Variants in SLCO1A2 observed in about 807,000 individuals in gnomAD.
SLCO1A2 encodes solute carrier organic anion transporter family member 1A2, also known as OATP-1.
Under a neutral mutation model 69.0 loss-of-function variants are expected in SLCO1A2, and 67 were observed. The observed-to-expected ratio is 0.97, with a 90% CI of 0.80 to 1.19. The LOEUF (loss-of-function observed/expected upper bound fraction) is 1.19. Ranked by LOEUF, SLCO1A2 falls within the 50% of genes most tolerant of loss-of-function variation. The pLI is 0.00. For missense variants in SLCO1A2, 787 were observed against 793.7 expected, an observed-to-expected ratio of 0.99 and a Z score of 0.10; for synonymous variants, 260 against 265.9, an observed-to-expected ratio of 0.98 and a Z score of 0.22.
At chr12:21,289,116 A>G (rs2136276477) in intron 12 of SLCO1A2, among the ~76,000 whole-genome samples, 1 of 151,742 alleles carries the variant, frequency 6.6e-6, no homozygotes, top group East Asian at 1.9e-4. Context: ...TATATTTGCA[A>G]TCACAAATAT....
At chr12:21,280,577 T>G (rs557653195) in intron 12 of SLCO1A2, among the ~76,000 whole-genome samples, 1 of 150,556 alleles carries the variant, frequency 6.6e-6, no homozygotes, top group South Asian at 2.1e-4. Context: ...CCCAGATATA[T>G]AAAGCAAATA....
At chr12:21,322,950 TG>T (rs1951820628) in intron 2 of SLCO1A2, among the ~76,000 whole-genome samples, 1 of 152,184 alleles carries the variant, frequency 6.6e-6, no homozygotes, top group Non-Finnish European at 1.5e-5. Context: ...CATACCATTG[TG>T]GGGGTGGCAT....
chr12:21,295,750 C>T lies in SLCO1A2; in HGVS notation c.1118G>A (p.Gly373Asp). 1 of 1,598,694 alleles carries T rather than the reference C, an allele frequency of 6.3e-7. No individual in the cohort carries two copies. Among genetic ancestry groups the T allele is most frequent in the Non-Finnish European group, 8.6e-7 (1 of 1,166,442 alleles). ...LPPICIGYII[G>D]GLIMKKFKIT... is the part of the protein sequence containing the mutation. ...CTTGAACTTCTTCATAATTAAACCA[C>T]CAATTATATATCCAATACATATTGG... is the stretch of plus-strand genomic sequence containing the variant. The change falls in exon 10 of 15, where the codon GGT becomes GAT. Residue 373 changes from glycine to aspartate, a missense_variant. Coordinates refer to ENST00000683939, the MANE Select transcript of SLCO1A2 (RefSeq NM_001386879.1).
At chr12:21,269,947 ATGT>A (rs1942494228) in intron 14 of SLCO1A2, among the ~76,000 whole-genome samples, 180 bp from the exon 15 acceptor site, 1 of 151,724 alleles carries the variant, frequency 6.6e-6, no homozygotes, top group Non-Finnish European at 1.5e-5. Flanking sequence ...AAAATATTTT[ATGT>A]TTTTTTAATT....
intron 2 of SLCO1A2, among the ~76,000 whole-genome samples, chr12:21,355,697 T>TA (rs1162714347): frequency 1.3e-5 from 2 of 152,104 alleles, no homozygotes; most frequent in Non-Finnish European, 2.9e-5. Flanking sequence ...CAGATTAAGT[T>TA]AAAAAACAGA....
intron 9 of SLCO1A2, among the ~76,000 whole-genome samples, chr12:21,296,727 T>C (rs1947768599): frequency 6.6e-6 from 1 of 152,152 alleles, no homozygotes; most frequent in East Asian, 1.9e-4. Flanking sequence ...CCCCGAATCA[T>C]ATTATTGAGA....
intron 2 of SLCO1A2, among the ~76,000 whole-genome samples, chr12:21,328,532 T>C (rs1451034380): frequency 6.6e-6 from 1 of 152,086 alleles, no homozygotes; most frequent in Non-Finnish European, 1.5e-5. Flanking sequence ...TCTAGGCAGT[T>C]ATGGATTCTC....
chr12:21,309,013 GAT>G (rs1949776945), intron 4 of SLCO1A2, among the ~76,000 whole-genome samples: 1 of 152,164 alleles, frequency 6.6e-6, no homozygotes, highest in African/African-American at 2.4e-5. Flanking sequence ...GATGGGAAGA[GAT>G]AATGCATTCT....
intron 14 of SLCO1A2, 162 bp downstream of exon 14, chr12:21,274,307 T>C: frequency 1.9e-6 from 1 of 525,274 alleles, no homozygotes; most frequent in South Asian, 3.1e-5. Context: ...AATACAATTC[T>C]AGTATGCAAA....
intron 2 of SLCO1A2, among the ~76,000 whole-genome samples, chr12:21,369,061 A>C (rs1312340095): frequency 1.3e-5 from 2 of 152,256 alleles, no homozygotes; most frequent in East Asian, 1.9e-4. Flanking sequence ...AAGGCAAGGA[A>C]CTACTGTGTT....
chr12:21,378,694 G>A, intron 1 of SLCO1A2: 1 of 362,204 alleles, frequency 2.8e-6, no homozygotes, highest in Non-Finnish European at 5.1e-6. Context: ...TATCTCAGTG[G>A]CACAGGTTTA....
chr12:21,403,310 C>A (rs943609279), intron 1 of SLCO1A2: 1 of 152,068 alleles, frequency 6.6e-6, no homozygotes, highest in East Asian at 1.9e-4. Context: ...AATTAGAAAA[C>A]CCAAAGAATC....
intron 5 of SLCO1A2, among the ~76,000 whole-genome samples, chr12:21,305,741 T>C (rs1265093469): frequency 6.6e-6 from 1 of 152,240 alleles, no homozygotes; most frequent in Non-Finnish European, 1.5e-5. Flanking sequence ...TTCCTTTGTT[T>C]CCCCCATGGG....
chr12:21,351,246 C>T (rs1937926896), intron 2 of SLCO1A2, among the ~76,000 whole-genome samples: 1 of 152,154 alleles, frequency 6.6e-6, no homozygotes, highest in South Asian at 2.1e-4. Flanking sequence ...GAGGTACAAG[C>T]ATGGAGGTCA....
At chr12:21,317,677 T>C (rs1951054247) in intron 3 of SLCO1A2, among the ~76,000 whole-genome samples, 1 of 152,118 alleles carries the variant, frequency 6.6e-6, no homozygotes, top group Non-Finnish European at 1.5e-5. Context: ...TCTAAAGGAG[T>C]TGAACACTAG....
intron 8 of SLCO1A2, 78 bp from the exon 9 acceptor site, chr12:21,297,646 C>G (rs1398274823): frequency 7.9e-6 from 7 of 890,680 alleles, no homozygotes; most frequent in Non-Finnish European, 1.2e-5. Flanking sequence ...AAACATCCAC[C>G]TCCTCAACAA....
upstream of SLCO1A2, among the ~76,000 whole-genome samples, chr12:21,399,037 G>A (rs1308372178): frequency 1.3e-5 from 2 of 148,392 alleles, no homozygotes; most frequent in African/African-American, 4.9e-5. Flanking sequence ...CAATTAGGCA[G>A]GAGAAGGAAA....
At chr12:21,395,316 G>C (rs1394573175) in exon 1 of SLCO1A2, 1 of 153,074 alleles carries the variant, frequency 6.5e-6, no homozygotes, top group Non-Finnish European at 1.5e-5. Flanking sequence ...TCTTCCAACA[G>C]GCTTAAAAAA....
intron 1 of SLCO1A2, among the ~76,000 whole-genome samples, chr12:21,416,810 G>C (rs764304366): frequency 5.9e-5 from 9 of 151,986 alleles, no homozygotes; most frequent in Non-Finnish European, 1.3e-4. Flanking sequence ...AGGAAACAAA[G>C]GATCTTACTC....
Sources: allele counts gnomAD v4.1 joint callset (sites outside exome capture counted in the v4.1 genomes callset), GRCh38; gene constraint gnomAD v4.1.1; transcripts MANE v1.5; gene names NCBI Gene and HGNC (gene_info 2026-07-23, HGNC 2026-07-21).